Variants in PHACTR3 observed in about 807,000 individuals in gnomAD.
PHACTR3 encodes the protein protein phosphatase 1, regulatory subunit 123.
PHACTR3 carries 16 observed loss-of-function variants against 66.8 expected under a neutral mutation model. The ratio of observed to expected loss-of-function variants is 0.24; its 90% CI spans 0.16 to 0.36. PHACTR3 has a LOEUF of 0.36. PHACTR3 is among the 10% of genes least tolerant of loss of function. PHACTR3 has a pLI of 1.00. For missense variants in PHACTR3, 647 were observed against 719.9 expected (o/e 0.90, Z 1.16); for synonymous variants, 323 against 292.1 (o/e 1.11, Z -1.08).
At chr20:59,681,353 G>A (rs1017957899) in intron 1 of PHACTR3, among the ~76,000 whole-genome samples, 1 of 151,430 alleles carries the variant, frequency 6.6e-6, no homozygotes, top group Non-Finnish European at 1.5e-5. Context: ...ACATGTGATT[G>A]TTCATTGTAC....
At chr20:59,772,127 A>G (rs1364339774) in intron 5 of PHACTR3, among the ~76,000 whole-genome samples, 1 of 152,212 alleles carries the variant, frequency 6.6e-6, no homozygotes, top group Non-Finnish European at 1.5e-5. Flanking sequence ...ATACTGGGAA[A>G]TGGCAGATCA....
At chr20:59,711,640 C>T (rs1221423479) in intron 1 of PHACTR3, among the ~76,000 whole-genome samples, 1 of 152,136 alleles carries the variant, frequency 6.6e-6, no homozygotes, top group Non-Finnish European at 1.5e-5. Context: ...TGTTAGCCTA[C>T]ATTTAGGCAA....
chr20:59,816,137 G>A (rs377203376), intron 8 of PHACTR3, among the ~76,000 whole-genome samples: 18 of 152,142 alleles, frequency 1.2e-4, no homozygotes, highest in East Asian at 5.8e-4. Flanking sequence ...ATCTGGAGGT[G>A]ATGGGAAACA....
chr20:59,676,455 C>A (rs935318678), intron 1 of PHACTR3, among the ~76,000 whole-genome samples: 2 of 152,060 alleles, frequency 1.3e-5, no homozygotes, highest in African/African-American at 4.8e-5. Flanking sequence ...GCCCTCCTCA[C>A]CCCCACCCCC....
chr20:59,802,903 G>T (rs2041458828), intron 7 of PHACTR3, among the ~76,000 whole-genome samples: 1 of 152,200 alleles, frequency 6.6e-6, no homozygotes, highest in African/African-American at 2.4e-5. Flanking sequence ...TTACTGAGCA[G>T]GACTGGTCTG....
intron 1 of PHACTR3, among the ~76,000 whole-genome samples, chr20:59,659,665 C>G (rs549044773): frequency 1.3e-5 from 2 of 152,304 alleles, no homozygotes; most frequent in East Asian, 3.9e-4. Context: ...GCCACCGCAA[C>G]TGGCCGGGTC....
chr20:59,583,360 A>G (rs558483889), intron 1 of PHACTR3, among the ~76,000 whole-genome samples: 1 of 152,316 alleles, frequency 6.6e-6, no homozygotes, highest in South Asian at 2.1e-4. Context: ...GAAGTGGACC[A>G]TGGCTTCCAA....
chr20:59,761,455 C>T (rs1333063387), intron 4 of PHACTR3, among the ~76,000 whole-genome samples: 1 of 152,170 alleles, frequency 6.6e-6, no homozygotes, highest in Non-Finnish European at 1.5e-5. Context: ...GACCATGGCT[C>T]ACCACATCCA....
chr20:59,696,888 G>C (rs957968960), intron 1 of PHACTR3, among the ~76,000 whole-genome samples: 3 of 152,222 alleles, frequency 2.0e-5, no homozygotes, highest in African/African-American at 4.8e-5. Flanking sequence ...CTTTGAGACA[G>C]TCCACGCTTT....
chr20:59,588,111 G>C (rs1405691546), intron 1 of PHACTR3, among the ~76,000 whole-genome samples: 1 of 152,184 alleles, frequency 6.6e-6, no homozygotes, highest in Non-Finnish European at 1.5e-5. Flanking sequence ...AAATTCTGCT[G>C]TCCTTACTGT....
At chr20:59,806,282 G>C (rs969757099) in intron 8 of PHACTR3, 88 bp downstream of exon 8, 11 of 1,513,504 alleles carry the variant, frequency 7.3e-6, no homozygotes, top group Non-Finnish European at 8.9e-6. Flanking sequence ...GGGTGTGCCA[G>C]GCCGGGACGC....
intron 9 of PHACTR3, among the ~76,000 whole-genome samples, chr20:59,837,475 CTTCA>C (rs1266137311): frequency 1.3e-5 from 2 of 152,154 alleles, no homozygotes; most frequent in Admixed American, 1.3e-4. Context: ...GCCTCAGTGC[CTTCA>C]TTAACTGCCT....
rs2038526605 is a variant in PHACTR3 at position 59,725,403 on chromosome 20, G to T, written c.119-17704G>T. The stretch of plus-strand genomic sequence containing the variant: ...CCACCGAGGCTGTGAGCCCAGATCG[G>T]TATGAGCTTAGGTGGGTGTGAGCTC... On this transcript the variant is annotated intron_variant, in intron 1 of 12. Coordinates refer to ENST00000371015, the MANE Select transcript of PHACTR3 (RefSeq NM_080672.5). 2.6e-5 allele frequency among the ~76,000 whole-genome samples: 4 copies of T among 151,810 alleles called. No homozygotes were observed. In the South Asian group the frequency reaches 6.3e-4, roughly 24 times the overall value.
At chr20:59,584,997 T>TC (rs1476059487) in intron 1 of PHACTR3, among the ~76,000 whole-genome samples, 1 of 151,880 alleles carries the variant, frequency 6.6e-6, no homozygotes, top group African/African-American at 2.4e-5. Context: ...ACACTGGGGA[T>TC]CAAAACTTCA....
At chr20:59,703,814 A>G (rs990602492) in intron 1 of PHACTR3, among the ~76,000 whole-genome samples, 1 of 152,092 alleles carries the variant, frequency 6.6e-6, no homozygotes, top group South Asian at 2.1e-4. Context: ...CTCAGTGCCA[A>G]TTTACTGACT....
intron 1 of PHACTR3, among the ~76,000 whole-genome samples, chr20:59,684,886 A>G (rs905014246): frequency 3.3e-5 from 5 of 152,088 alleles, no homozygotes; most frequent in African/African-American, 1.2e-4. Context: ...AACTTATTCC[A>G]TGGCCCAGCA....
chr20:59,589,755 A>G (rs1385026315), intron 1 of PHACTR3, among the ~76,000 whole-genome samples: 2 of 152,250 alleles, frequency 1.3e-5, no homozygotes, highest in African/African-American at 4.8e-5. Context: ...GACAAGGGGC[A>G]TTATTTAAAC....
At chr20:59,758,161 C>G (rs2039872766) in intron 4 of PHACTR3, among the ~76,000 whole-genome samples, 1 of 152,172 alleles carries the variant, frequency 6.6e-6, no homozygotes, top group Non-Finnish European at 1.5e-5. Context: ...GGACTTGTCT[C>G]ATTCCCAGCT....
chr20:59,609,264 A>G (rs1051834957), intron 1 of PHACTR3, among the ~76,000 whole-genome samples: 4 of 152,212 alleles, frequency 2.6e-5, no homozygotes, highest in Non-Finnish European at 4.4e-5. Context: ...GGCTCAGGGC[A>G]TCCCATGCTG....
Sources: allele counts gnomAD v4.1 joint callset (sites outside exome capture counted in the v4.1 genomes callset), GRCh38; gene constraint gnomAD v4.1.1; transcripts MANE v1.5; gene names NCBI Gene and HGNC (gene_info 2026-07-23, HGNC 2026-07-21).